Variants in MSRA observed in about 807,000 individuals in gnomAD.
MSRA encodes mitochondrial peptide methionine sulfoxide reductase.
MSRA carries 54 observed loss-of-function variants against 31.3 expected under a neutral mutation model. The observed-to-expected ratio is 1.73, with a 90% CI of 1.39 to 2.17. MSRA has a LOEUF of 2.17. Among genes scored for constraint, MSRA ranks in the 30% most tolerant of loss-of-function variants. The pLI is 0.00. For synonymous variants in MSRA, 169 were observed against 116.5 expected (o/e 1.45, Z -2.90); for missense variants, 507 against 300.9 (o/e 1.69, Z -5.07).
intron 1 of MSRA, among the ~76,000 whole-genome samples, chr8:10,188,247 T>G (rs1004618952): frequency 2.0e-5 from 3 of 152,246 alleles, no homozygotes; most frequent in African/African-American, 4.8e-5. Context: ...CACCAGTTAT[T>G]GTGTGCACTT....
chr8:10,292,627 C>T (rs550189288), intron 3 of MSRA, among the ~76,000 whole-genome samples: 5 of 152,224 alleles, frequency 3.3e-5, no homozygotes, highest in African/African-American at 7.2e-5. Flanking sequence ...CCCACAGAAT[C>T]GCAGTGGCCG....
At chr8:10,168,826 A>C (rs140637636) in intron 1 of MSRA, among the ~76,000 whole-genome samples, 5 of 152,356 alleles carry the variant, frequency 3.3e-5, no homozygotes, top group Non-Finnish European at 5.9e-5. Flanking sequence ...AGTAAATCAT[A>C]AATTTGGAAG....
At chr8:10,241,329 A>C (rs976616567) in intron 2 of MSRA, among the ~76,000 whole-genome samples, 2 of 152,168 alleles carry the variant, frequency 1.3e-5, no homozygotes, top group Non-Finnish European at 2.9e-5. Flanking sequence ...ACAACTGAGG[A>C]GAAGGAGCCA....
chr8:10,257,687 A>C (rs571160790), intron 3 of MSRA, among the ~76,000 whole-genome samples: 1 of 152,262 alleles, frequency 6.6e-6, no homozygotes, highest in South Asian at 2.1e-4. Flanking sequence ...ATGGCCTCCC[A>C]TTTGACTATA....
intron 1 of MSRA, among the ~76,000 whole-genome samples, chr8:10,063,519 C>T (rs1254881123): frequency 6.6e-6 from 1 of 152,118 alleles, no homozygotes; most frequent in East Asian, 1.9e-4. Flanking sequence ...GGTCTGAATG[C>T]CTATGTGCCC....
chr8:10,297,243 C>A (rs1037814670), intron 3 of MSRA, among the ~76,000 whole-genome samples: 15 of 152,104 alleles, frequency 9.9e-5, no homozygotes, highest in African/African-American at 3.6e-4. Context: ...TTTAATCAAC[C>A]CCTCTCCATT....
In MSRA at chr8:10,319,967, G is replaced by A. The variant is rs753057030; in HGVS notation, c.521G>A (p.Ser174Asn). The change falls in exon 5 of 6, where the codon AGC becomes AAC. Residue 174 changes from serine to asparagine, a missense_variant. Coordinates refer to ENST00000317173, the MANE Select transcript of MSRA (RefSeq NM_012331.5). ...GCCAAGCAAATGGAGGCAGCCCTGA[G>A]CTCCAAAGAGAACTACCAAAAGGTA... is the stretch of plus-strand genomic sequence containing the variant. ...TSAKQMEAAL[S>N]SKENYQKVLS... 3 of 1,600,032 alleles carry A rather than the reference G, an allele frequency of 1.9e-6. No individual in the cohort carries two copies. In the East Asian group the frequency reaches 6.8e-5, roughly 36 times the overall value.
chr8:10,416,669 C>A (rs1225578127), intron 5 of MSRA, among the ~76,000 whole-genome samples: 2 of 152,234 alleles, frequency 1.3e-5, no homozygotes, highest in African/African-American at 4.8e-5. Context: ...AGTTGGAGAG[C>A]ACTTGTGCCG....
intron 1 of MSRA, among the ~76,000 whole-genome samples, chr8:10,105,920 G>A (rs1799849756): frequency 2.0e-5 from 3 of 152,148 alleles, no homozygotes; most frequent in African/African-American, 2.4e-5. Context: ...AGGACCAGGC[G>A]GCTGTGGAGT....
At chr8:10,364,799 T>G (rs1445049953) in intron 5 of MSRA, among the ~76,000 whole-genome samples, 1 of 152,172 alleles carries the variant, frequency 6.6e-6, no homozygotes, top group African/African-American at 2.4e-5. Flanking sequence ...ACAGTAGATA[T>G]TACCACCCTC....
In MSRA at chr8:10,233,129, C is replaced by T. The variant is rs368700249; in HGVS notation, c.212-11975C>T. ...TGTAAGGAACAATTCAGATATATCC[C>T]GGAAGAGGTACCTTTTATGCTTTAG... On this transcript the variant is annotated intron_variant, in intron 2 of 5. Transcript: ENST00000317173. 4.8e-4 allele frequency among the ~76,000 whole-genome samples: 73 copies of T among 152,300 alleles called. No individual in the cohort carries two copies. In the South Asian group the frequency reaches 7.7e-3, roughly 16 times the overall value.
At chr8:10,065,832 C>G (rs965924188) in intron 1 of MSRA, among the ~76,000 whole-genome samples, 2 of 152,046 alleles carry the variant, frequency 1.3e-5, no homozygotes, top group South Asian at 4.1e-4. Context: ...GGAAGGAACA[C>G]AGTCGCCCTG....
At chr8:10,067,419 C>G (rs956562284) in intron 1 of MSRA, among the ~76,000 whole-genome samples, 2 of 152,160 alleles carry the variant, frequency 1.3e-5, no homozygotes, top group Admixed American at 1.3e-4. Flanking sequence ...CATTCACCTA[C>G]TGAATAAATA....
chr8:10,279,081 T>A (rs1475966408), intron 3 of MSRA, among the ~76,000 whole-genome samples: 1 of 152,210 alleles, frequency 6.6e-6, no homozygotes, highest in East Asian at 1.9e-4. Flanking sequence ...TGTTTTCTTG[T>A]TGTTTCCTAC....
chr8:10,082,824 C>T lies in MSRA; in HGVS notation c.142+28166C>T, dbSNP rs541352406. Among the ~76,000 whole-genome samples, 25 of 152,316 alleles carry T rather than the reference C, an allele frequency of 1.6e-4. No individual in the cohort carries two copies. The South Asian group carries it at 3.7e-3, about 23-fold the overall frequency. On this transcript the variant is annotated intron_variant, in intron 1 of 5. Transcript: ENST00000317173. ...GAAGGGGGCACTGTGTTCACTCTAT[C>T]ACCTTATCCCTGGAGCACCCACCAA...
chr8:10,058,512 G>A (rs1802521061), intron 1 of MSRA, among the ~76,000 whole-genome samples: 1 of 152,150 alleles, frequency 6.6e-6, no homozygotes, highest in African/African-American at 2.4e-5. Flanking sequence ...TTTTATAGAA[G>A]AAATAAAGCT....
intron 5 of MSRA, among the ~76,000 whole-genome samples, chr8:10,366,104 C>G (rs1303193388): frequency 6.6e-6 from 1 of 152,178 alleles, no homozygotes; most frequent in Admixed American, 6.5e-5. Flanking sequence ...GTCTTGTGGC[C>G]TGTCGAAAGG....
chr8:10,182,998 T>C (rs1332345246), intron 1 of MSRA, among the ~76,000 whole-genome samples: 1 of 152,204 alleles, frequency 6.6e-6, no homozygotes, highest in East Asian at 1.9e-4. Flanking sequence ...AGACCAAGTC[T>C]TTAAAATAGC....
chr8:10,213,124 G>C (rs1299311751), intron 2 of MSRA, among the ~76,000 whole-genome samples: 1 of 151,888 alleles, frequency 6.6e-6, no homozygotes, highest in Non-Finnish European at 1.5e-5. Context: ...CAAATGCTAG[G>C]TCTCATTCAT....
Sources: allele counts gnomAD v4.1 joint callset (sites outside exome capture counted in the v4.1 genomes callset), GRCh38; gene constraint gnomAD v4.1.1; transcripts MANE v1.5; gene names NCBI Gene and HGNC (gene_info 2026-07-23, HGNC 2026-07-21).